Variants in SSH2 observed in about 807,000 individuals in gnomAD.
SSH2 encodes protein phosphatase Slingshot homolog 2.
In SSH2, 37 loss-of-function variants were observed where a neutral mutation model predicts 135.2. The observed-to-expected ratio is 0.27, with a 90% CI of 0.21 to 0.36. The LOEUF (loss-of-function observed/expected upper bound fraction) is 0.36, where lower values mean the gene tolerates loss of function less well. Ranked by LOEUF, SSH2 falls within the 10% of genes least tolerant of loss-of-function variation. SSH2 has a pLI of 1.00. For missense variants in SSH2, 1,408 were observed against 1,765.3 expected (o/e 0.80, Z 3.63); for synonymous variants, 628 against 646.2 (o/e 0.97, Z 0.43).
chr17:29,849,795 T>C, intron 1 of SSH2, among the ~76,000 whole-genome samples: 1 of 139,494 alleles, frequency 7.2e-6, no homozygotes, highest in African/African-American at 2.7e-5. Flanking sequence ...AGGTTAGGAG[T>C]TTGAGACCAG....
chr17:29,771,149 T>A (rs1046368934), intron 3 of SSH2, among the ~76,000 whole-genome samples: 5 of 152,240 alleles, frequency 3.3e-5, no homozygotes, highest in Admixed American at 1.3e-4. Context: ...CTCTAGAATT[T>A]ATAATATGTA....
intron 1 of SSH2, among the ~76,000 whole-genome samples, chr17:29,902,925 C>T (rs1207287377): frequency 4.6e-5 from 7 of 152,078 alleles, no homozygotes; most frequent in African/African-American, 1.7e-4. Context: ...GTGGCTCACA[C>T]CTGTAATATG....
intron 13 of SSH2, among the ~76,000 whole-genome samples, chr17:29,648,866 C>T (rs1047270358): frequency 1.3e-5 from 2 of 151,664 alleles, no homozygotes; most frequent in Non-Finnish European, 1.5e-5. Flanking sequence ...GCAGACTGGG[C>T]GCAGCGGCTC....
At chr17:29,647,456 ATTT>A (rs879539533) in intron 14 of SSH2, among the ~76,000 whole-genome samples, 1 of 145,602 alleles carries the variant, frequency 6.9e-6, no homozygotes, top group Non-Finnish European at 1.5e-5. Context: ...ACTGGTATCC[ATTT>A]TTTTTTTTTA....
At chr17:29,826,051 G>C (rs781700355) in intron 2 of SSH2, among the ~76,000 whole-genome samples, 13 of 152,128 alleles carry the variant, frequency 8.5e-5, no homozygotes, top group Non-Finnish European at 1.5e-5. Flanking sequence ...TTCACCTGAA[G>C]TGTTTAGAAA....
chr17:29,777,675 A>AG (rs1186739490), intron 3 of SSH2: 1 of 159,314 alleles, frequency 6.3e-6, no homozygotes, highest in Non-Finnish European at 1.4e-5. Context: ...GGCTGCAAAC[A>AG]GCAGCCTCCT....
At chr17:29,736,815 A>AAAAT (rs61704385) in intron 3 of SSH2, among the ~76,000 whole-genome samples, 4 of 117,380 alleles carry the variant, frequency 3.4e-5, no homozygotes, top group Non-Finnish European at 5.1e-5. Flanking sequence ...AAAAAAAAAA[A>AAAAT]TGGGCCGGGC....
intron 2 of SSH2, among the ~76,000 whole-genome samples, chr17:29,832,175 G>A (rs565042738): frequency 3.9e-5 from 6 of 152,162 alleles, no homozygotes; most frequent in South Asian, 2.1e-4. Context: ...ATGGGGTCTC[G>A]CTCTGTTGCC....
In SSH2 at chr17:29,914,943, C is replaced by A. The variant is rs181831179; in HGVS notation, c.63+14995G>T. Among the ~76,000 whole-genome samples, 9 of 152,224 alleles carry A rather than the reference C, an allele frequency of 5.9e-5. No individual in the cohort carries two copies. The East Asian group carries it at 1.7e-3, about 29-fold the overall frequency. Reference sequence around the variant, plus strand: ...ATATATTTGCAACCATAAACAGTTACAAATGATCTGTTTTACCTAACCAAA... The same window carrying A: ...ATATATTTGCAACCATAAACAGTTAAAAATGATCTGTTTTACCTAACCAAA... On this transcript the variant is annotated intron_variant, in intron 1 of 15. Transcript: ENST00000540801.
At chr17:29,797,362 T>G (rs2042176259) in intron 2 of SSH2, among the ~76,000 whole-genome samples, 1 of 152,200 alleles carries the variant, frequency 6.6e-6, no homozygotes, top group Non-Finnish European at 1.5e-5. Flanking sequence ...CATAAAAAAT[T>G]AGTACACAGG....
At chr17:29,770,602 A>G (rs1041605082) in intron 3 of SSH2, among the ~76,000 whole-genome samples, 1 of 151,790 alleles carries the variant, frequency 6.6e-6, no homozygotes, top group Non-Finnish European at 1.5e-5. Flanking sequence ...CCTCCTGAGT[A>G]GCTGGGACTA....
intron 3 of SSH2, among the ~76,000 whole-genome samples, chr17:29,764,381 AGT>A (rs532726878): frequency 2.7e-4 from 41 of 152,376 alleles, no homozygotes; most frequent in African/African-American, 9.6e-4. Flanking sequence ...CAGTGTGCAG[AGT>A]GTCAAAATGC....
chr17:29,657,521 G>A (rs1243299370), intron 11 of SSH2, among the ~76,000 whole-genome samples: 3 of 148,364 alleles, frequency 2.0e-5, no homozygotes, highest in Non-Finnish European at 4.5e-5. Context: ...CGCCTGCCTC[G>A]GCCTCCCAAA....
Position 29,793,899 on chromosome 17 carries a change from G to C in SSH2, c.183C>G (p.Pro61=). 2 of 1,613,062 alleles carry C rather than the reference G, an allele frequency of 1.2e-6. No individual in the cohort carries two copies. Among genetic ancestry groups the C allele is most frequent in the Non-Finnish European group, 1.7e-6 (2 of 1,179,300 alleles). The change falls in exon 3 of 16, where the codon CCC becomes CCG. Residue 61 remains proline (P), a synonymous_variant. Transcript: ENST00000540801. The part of the protein sequence containing the change: ...DSGEEECRSQ[P]RSISESFLTV... Reference sequence around the variant, plus strand: ...GATATAATGAACAAACATACCTCCTGGGCTGTGACCGGCATTCTTCCTCCC... The same window carrying C: ...GATATAATGAACAAACATACCTCCTCGGCTGTGACCGGCATTCTTCCTCCC...
chr17:29,700,463 T>G (rs2038930963), intron 4 of SSH2, among the ~76,000 whole-genome samples: 1 of 152,204 alleles, frequency 6.6e-6, no homozygotes, highest in African/African-American at 2.4e-5. Context: ...GTGTTCCTGA[T>G]TTTAGAGAAA....
At chr17:29,728,127 C>T (rs766252329) in intron 3 of SSH2, among the ~76,000 whole-genome samples, 15 of 152,154 alleles carry the variant, frequency 9.9e-5, no homozygotes, top group Non-Finnish European at 1.9e-4. Context: ...TGTGCCCATG[C>T]AGATGATATG....
chr17:29,696,453 T>A lies in SSH2; in HGVS notation c.293-930A>T, dbSNP rs573910144. Among the ~76,000 whole-genome samples the A allele has an allele frequency of 2.3e-3, 336 of 145,622 alleles. 2 individuals are homozygous for A. Among genetic ancestry groups the A allele is most frequent in the African/African-American group, 8.1e-3 (323 of 40,010 alleles). ...TATATGTGTGTGTATATATATACTG[T>A]CATTATAATATCAGTCACTACACTC... On this transcript the variant is annotated intron_variant, in intron 4 of 15. Transcript: ENST00000540801.
intron 3 of SSH2, among the ~76,000 whole-genome samples, chr17:29,787,111 T>C (rs144055621): frequency 2.8e-4 from 42 of 152,286 alleles, no homozygotes; most frequent in African/African-American, 9.6e-4. Flanking sequence ...CTTCCAAAAC[T>C]GAAGCTCCGT....
At chr17:29,672,996 C>T (rs1424789592) in intron 8 of SSH2, among the ~76,000 whole-genome samples, 1 of 152,096 alleles carries the variant, frequency 6.6e-6, no homozygotes. Context: ...CGTGAGCCAC[C>T]GTGCCTGGCC....
Sources: gnomAD v4.1 joint callset for allele counts (sites outside exome capture counted in the v4.1 genomes callset) on GRCh38, gnomAD v4.1.1 for gene constraint, MANE v1.5 for transcripts, NCBI Gene and HGNC (gene_info 2026-07-23, HGNC 2026-07-21) for gene names.